FST: variants seen among roughly 807,000 people sequenced by gnomAD.
FST encodes the protein activin-binding protein.
In FST, 6 loss-of-function variants were observed where a neutral mutation model predicts 38.4. That is an observed-to-expected ratio of 0.16 (90% CI 0.09 to 0.31). The LOEUF (loss-of-function observed/expected upper bound fraction) is 0.31, where lower values mean the gene tolerates loss of function less well. FST is among the 10% of genes least tolerant of loss of function. The probability of loss-of-function intolerance (pLI) is 1.00; values close to 1 mark genes in which losing one functional copy is unlikely to be tolerated. For synonymous variants in FST, 157 were observed against 169.8 expected, an observed-to-expected ratio of 0.92 and a Z score of 0.59; for missense variants, 301 against 432.3, an observed-to-expected ratio of 0.70 and a Z score of 2.69.
intron 1 of FST, among the ~76,000 whole-genome samples, chr5:53,481,488 C>CAAAAAAAAAAAAAA (rs1747211810): frequency 4.2e-5 from 2 of 48,184 alleles, no homozygotes; most frequent in African/African-American, 1.1e-4. Context: ...AAAAAAAAAG[C>CAAAAAAAAAAAAAA]CAAATTATTA....
chr5:53,482,884 G>A lies in FST; in HGVS notation c.90G>A (p.Gly30=). The A allele has an allele frequency of 6.2e-7, 1 of 1,602,668 alleles. No homozygotes were observed. The highest frequency in any genetic ancestry group is 1.3e-5 in the African/African-American group (1 of 74,748). The change falls in exon 2 of 6, where the codon GGG becomes GGA. Residue 30 remains glycine, a synonymous_variant. Coordinates refer to ENST00000256759, the MANE Select transcript of FST (RefSeq NM_013409.3). ...CCCACCCTTGTCTCTTCACAGCTGG[G>A]AACTGCTGGCTCCGTCAAGCGAAGA... is the stretch of plus-strand genomic sequence containing the variant. ...QFMEDRSAQA[G]NCWLRQAKNG...
Position 53,485,239 on chromosome 5 carries a change from T to C in FST, c.952+12T>C, listed in dbSNP as rs763116694. The C allele has an allele frequency of 6.9e-7, 1 of 1,441,620 alleles. No individual in the cohort carries two copies. The allele number at this position is 1,441,620 out of a possible 1,614,324, so 89.3% of individuals were successfully genotyped here. Reference sequence around the variant, plus strand: ...CGGATCTTGCAACTGTAAGTGCGATTTTTAACCTTGCTGCCATTTAAGGCT... The same window carrying C: ...CGGATCTTGCAACTGTAAGTGCGATCTTTAACCTTGCTGCCATTTAAGGCT... On this transcript the variant is annotated intron_variant, in intron 5 of 5. Transcript: ENST00000256759.
intron 5 of FST, chr5:53,485,623 C>A: frequency 1.0e-6 from 1 of 1,004,238 alleles, no homozygotes; most frequent in Non-Finnish European, 1.6e-6. Flanking sequence ...CCTCTACTAA[C>A]TCTGAATTAA....
chr5:53,480,957 C>A (rs1747167374), intron 1 of FST, 81 bp downstream of exon 1: 5 of 595,590 alleles, frequency 8.4e-6, no homozygotes, highest in Non-Finnish European at 1.4e-5. Flanking sequence ...TTGGTCTGTT[C>A]TGAGCAACGC....
chr5:53,481,483 A>AAAAAAAAAAAC (rs1747207753), intron 1 of FST, among the ~76,000 whole-genome samples: 2 of 146,876 alleles, frequency 1.4e-5, no homozygotes, highest in East Asian at 1.9e-4. Flanking sequence ...AAAAAAAAAA[A>AAAAAAAAAAAC]AAAGCCAAAT....
At position 53,480,868 on chromosome 5, in the gene FST, G is replaced by A. The variant is rs1747158709; in HGVS notation, c.77G>A (p.Ser26Asn). The A allele has an allele frequency of 1.3e-6, 2 of 1,524,464 alleles. No homozygotes were observed. Among genetic ancestry groups the A allele is most frequent in the Admixed American group, 2.0e-5 (1 of 49,336 alleles). The allele number at this position is 1,524,464 out of a possible 1,614,324, so 94.4% of individuals were successfully genotyped here. A position where few individuals can be genotyped will look rare whatever the true frequency, so the allele number is the denominator to read the frequency against. The change falls in exon 1 of 6, where the codon AGT becomes AAT. Residue 26 changes from serine (S) to asparagine (N), a missense_variant. Physicochemically the swap from Ser to Asn is conservative, Grantham distance 46 (BLOSUM62 1). Transcript: ENST00000256759. ...CTCTGCCAGTTCATGGAGGACCGCA[G>A]TGCCCAGGGTAAGCGAGTGGGGATG... ...LLLCQFMEDRSAQAGNCWLRQ... is the reference protein window; with the variant it reads ...LLLCQFMEDRNAQAGNCWLRQ...
chr5:53,482,232 T>C (rs1579761263), intron 1 of FST, among the ~76,000 whole-genome samples: 1 of 152,060 alleles, frequency 6.6e-6, no homozygotes, highest in Non-Finnish European at 1.5e-5. Context: ...CTCTCTCTCT[T>C]TCTTTTCTTT....
In FST at chr5:53,486,996, G is replaced by A. The variant is rs755144477; in HGVS notation, c.*963G>A. 2.0e-5 allele frequency: 3 copies of A among 151,902 alleles called. No individual in the cohort carries two copies. The highest frequency in any genetic ancestry group is 4.4e-5 in the Non-Finnish European group (3 of 68,006). 9.4% of individuals were successfully genotyped at this position (151,902 alleles called of 1,614,324 possible). On this transcript the variant is annotated 3_prime_UTR_variant, in exon 6 of 6. Transcript: ENST00000256759. ...GATGCAATTTTATATTTTCAAACAT[G>A]GCAAGTTAAAATATAAATTCATTTA...
intron 1 of FST, 67 bp downstream of exon 1, chr5:53,480,943 C>G: frequency 2.5e-6 from 2 of 789,510 alleles, no homozygotes; most frequent in East Asian, 3.4e-5. Flanking sequence ...TCTGTGGTCT[C>G]CACTTGGTCT....
chr5:53,484,926 G>A, intron 4 of FST, 71 bp from the exon 5 acceptor site: 2 of 784,670 alleles, frequency 2.5e-6, no homozygotes, highest in Non-Finnish European at 4.7e-6. Flanking sequence ...TATTGATAGA[G>A]GACTAGAGAA....
Position 53,486,011 on chromosome 5 carries a change from T to C in FST, c.1013T>C (p.Ile338Thr). ...GAAGACCAGGACTACAGCTTTCCTA[T>C]ATCTTCTATTCTAGAGTGGTAAACT... Reference protein sequence around the residue: ...EDEDQDYSFPISSILEW With the variant: ...EDEDQDYSFPTSSILEW Residue 338 changes from isoleucine to threonine, a missense_variant, in exon 6 of 6, where the codon ATA (isoleucine) becomes ACA (threonine). Ile to Thr is a moderately conservative substitution (Grantham distance 89). Coordinates refer to ENST00000256759, the MANE Select transcript of FST (RefSeq NM_013409.3). 1 of 1,580,874 alleles carries C rather than the reference T, an allele frequency of 6.3e-7. No individual in the cohort carries two copies. The highest frequency in any genetic ancestry group is 8.6e-7 in the Non-Finnish European group (1 of 1,157,434).
At chr5:53,481,485 A>AAAAAAAAAAAAAAAAAT (rs1451000751) in intron 1 of FST, among the ~76,000 whole-genome samples, 1 of 143,764 alleles carries the variant, frequency 7.0e-6, no homozygotes, top group Non-Finnish European at 1.6e-5. Flanking sequence ...AAAAAAAAAA[A>AAAAAAAAAAAAAAAAAT]AGCCAAATTA....
chr5:53,483,146 G>C lies in FST; in HGVS notation c.277+75G>C. 9.8e-7 allele frequency: 1 copy of C among 1,015,378 alleles called. No homozygotes were observed. The highest frequency in any genetic ancestry group is 1.5e-5 in the South Asian group (1 of 68,858). 62.9% of individuals were successfully genotyped at this position (1,015,378 alleles called of 1,614,324 possible). A position where few individuals can be genotyped will look rare whatever the true frequency, so the allele number is the denominator to read the frequency against. On this transcript the variant is annotated intron_variant, in intron 2 of 5. Coordinates refer to ENST00000256759, the MANE Select transcript of FST (RefSeq NM_013409.3). The surrounding 1 kb of genome is among the most constrained non-coding windows in gnomAD (Gnocchi z 4.1). ...CCCTTAGCTTCCCCACTACCTGACTGGGGTTTGGGAGTAGGAGAGCTTTGT... is the reference window on the plus strand; with the variant it reads ...CCCTTAGCTTCCCCACTACCTGACTCGGGTTTGGGAGTAGGAGAGCTTTGT...
rs1357442179 is a variant in FST at position 53,483,940 on chromosome 5, C to G, written c.497-129C>G. 2.8e-5 allele frequency: 22 copies of G among 783,908 alleles called. No individual in the cohort carries two copies. Among genetic ancestry groups the G allele is most frequent in the Non-Finnish European group, 4.2e-5 (20 of 480,714 alleles). The allele number at this position is 783,908 out of a possible 1,614,324, so 48.6% of individuals were successfully genotyped here. A position where few individuals can be genotyped will look rare whatever the true frequency, so the allele number is the denominator to read the frequency against. ...CTAGTCATAGATTCTCTCTTGAAAA[C>G]TACAGGGCTCCCTAAGTGCCTTTTG... On this transcript the variant is annotated intron_variant, in intron 3 of 5. Transcript: ENST00000256759. This position sits in a 1 kb window ranked among gnomAD's most constrained non-coding sequence, Gnocchi z 4.1.
chr5:53,481,217 T>G (rs1038261520), intron 1 of FST, among the ~76,000 whole-genome samples: 1 of 151,702 alleles, frequency 6.6e-6, no homozygotes, highest in East Asian at 1.9e-4. Flanking sequence ...CCTGGAGATT[T>G]CAGTCGACCC....
At position 53,485,056 on chromosome 5, in the gene FST, A is replaced by C; in HGVS notation, c.781A>C (p.Lys261Gln). The change falls in exon 5 of 6, where the codon AAG (lysine) becomes CAG (glutamine). Residue 261 changes from lysine to glutamine, a missense_variant. Lys to Gln is a moderately conservative substitution (Grantham distance 53, BLOSUM62 1). Transcript: ENST00000256759. ...TGGGAAAAAATGTTTATGGGATTTC[A>C]AGGTTGGGAGAGGCCGGTGTTCCCT... is the stretch of plus-strand genomic sequence containing the variant. Reference protein sequence around the residue: ...TGGKKCLWDFKVGRGRCSLCD... With the variant: ...TGGKKCLWDFQVGRGRCSLCD... 1 of 1,612,858 alleles carries C rather than the reference A, an allele frequency of 6.2e-7. No individual in the cohort carries two copies. Among genetic ancestry groups the C allele is most frequent in the Non-Finnish European group, 8.5e-7 (1 of 1,178,842 alleles).
intron 5 of FST, 185 bp from the exon 6 acceptor site, chr5:53,485,766 A>C: frequency 6.3e-7 from 1 of 1,593,494 alleles, no homozygotes; most frequent in Non-Finnish European, 8.5e-7. Flanking sequence ...GCTTTAAAAA[A>C]ATTTTTTTAA....
intron 5 of FST, 184 bp from the exon 6 acceptor site, chr5:53,485,767 A>T (rs722910): frequency 0.57 from 893,563 of 1,581,014 alleles, 255,355 homozygotes; most frequent in African/African-American, 0.75. Flanking sequence ...CTTTAAAAAA[A>T]TTTTTTTAAC....
Position 53,483,667 on chromosome 5 carries a change from G to A in FST, c.441G>A (p.Lys147=). The A allele has an allele frequency of 1.2e-6, 2 of 1,614,216 alleles. No individual in the cohort carries two copies. Among genetic ancestry groups the A allele is most frequent in the South Asian group, 1.1e-5 (1 of 91,084 alleles). The part of the protein sequence containing the change: ...KTYRNECALL[K]ARCKEQPELE... ...ACCGCAATGAATGTGCACTCCTAAA[G>A]GCAAGATGTAAAGAGCAGCCAGAAC... Residue 147 remains lysine (K), a synonymous_variant, in exon 3 of 6, where the codon AAG becomes AAA. Transcript: ENST00000256759. The surrounding 1 kb of genome is among the most constrained non-coding windows in gnomAD (Gnocchi z 4.1).
Sources: allele counts gnomAD v4.1 joint callset (sites outside exome capture counted in the v4.1 genomes callset), GRCh38; gene constraint gnomAD v4.1.1; non-coding constraint Gnocchi (gnomAD v3.1); transcripts MANE v1.5; gene names NCBI Gene and HGNC (gene_info 2026-07-23, HGNC 2026-07-21).